LMF1: variants seen among roughly 807,000 people sequenced by gnomAD.
LMF1 encodes transmembrane protein 112.
In LMF1, 68 loss-of-function variants were observed where a neutral mutation model predicts 60.6. The observed-to-expected ratio is 1.12, with a 90% CI of 0.92 to 1.37. LMF1 has a LOEUF of 1.37. Ranked by LOEUF, LMF1 falls within the 40% of genes most tolerant of loss-of-function variation. The pLI, the probability that LMF1 is intolerant of heterozygous loss-of-function variation, is 0.00. For missense variants in LMF1, 948 were observed against 767.2 expected, an observed-to-expected ratio of 1.24 and a Z score of -2.78; for synonymous variants, 418 against 324.7, an observed-to-expected ratio of 1.29 and a Z score of -3.09.
In LMF1 at chr16:932,366, C is replaced by T. The variant is rs553532904; in HGVS notation, c.514+1878G>A. On this transcript the variant is annotated intron_variant, in intron 3 of 10. Transcript: ENST00000262301. ...CACACAAGCCTCAGCCGCTGCCCCC[C>T]GAGCCTGCCCCGGCCTGCCCGCTCA... Among the ~76,000 whole-genome samples, 22 of 152,308 alleles carry T rather than the reference C, an allele frequency of 1.4e-4. No individual in the cohort carries two copies. In the South Asian group the frequency reaches 3.1e-3, roughly 22 times the overall value.
At chr16:925,389 C>A (rs2071564841) in intron 3 of LMF1, among the ~76,000 whole-genome samples, 1 of 152,220 alleles carries the variant, frequency 6.6e-6, no homozygotes, top group African/African-American at 2.4e-5. Flanking sequence ...TCAAAACCAA[C>A]AAAATGTTAA....
intron 3 of LMF1, among the ~76,000 whole-genome samples, chr16:922,091 C>G (rs775274098): frequency 2.6e-5 from 4 of 152,034 alleles, no homozygotes; most frequent in Non-Finnish European, 5.9e-5. Flanking sequence ...AGACGCATTC[C>G]AAGCAGCCAA....
intron 2 of LMF1, among the ~76,000 whole-genome samples, chr16:954,028 C>CCG: frequency 7.6e-6 from 1 of 131,988 alleles, no homozygotes. Context: ...GACACCCACC[C>CCG]CAAACCAGCC....
intron 1 of LMF1, among the ~76,000 whole-genome samples, chr16:978,640 C>T (rs574882811): frequency 6.6e-6 from 1 of 152,170 alleles, no homozygotes; most frequent in Non-Finnish European, 1.5e-5. Flanking sequence ...GAAACGTACA[C>T]TCCCCCTGAA....
At chr16:940,573 T>C (rs138400992) in intron 2 of LMF1, among the ~76,000 whole-genome samples, 2,172 of 152,294 alleles carry the variant, frequency 0.014, 36 homozygotes, top group Non-Finnish European at 0.017. Context: ...AAGATGGATG[T>C]CCCAGAAGAG....
chr16:855,829 G>T (rs893246195), intron 10 of LMF1: 9 of 455,918 alleles, frequency 2.0e-5, no homozygotes, highest in African/African-American at 6.0e-5. Flanking sequence ...GGGGCTTCTG[G>T]TGACCTGCAC....
At chr16:941,763 G>A (rs1294694442) in intron 2 of LMF1, among the ~76,000 whole-genome samples, 1 of 152,136 alleles carries the variant, frequency 6.6e-6, no homozygotes, top group Non-Finnish European at 1.5e-5. Context: ...GCTAACAGCA[G>A]GTATCTCACC....
intron 4 of LMF1, among the ~76,000 whole-genome samples, chr16:893,799 CAA>C (rs966120820): frequency 1.3e-5 from 2 of 152,126 alleles, no homozygotes; most frequent in Non-Finnish European, 2.9e-5. Flanking sequence ...AAGTCAGAAA[CAA>C]ACTGTCCCCT....
chr16:914,290 T>A (rs990803857), intron 3 of LMF1, among the ~76,000 whole-genome samples: 1 of 152,092 alleles, frequency 6.6e-6, no homozygotes, highest in African/African-American at 2.4e-5. Flanking sequence ...GTACAAACCC[T>A]TCCAGCACCC....
At chr16:910,843 A>G (rs935330400) in intron 4 of LMF1, 88 bp downstream of exon 4, 2 of 1,545,296 alleles carry the variant, frequency 1.3e-6, no homozygotes, top group Non-Finnish European at 1.8e-6. Context: ...CGGGGGAGGA[A>G]GGAAACAGCC....
At chr16:938,759 T>C (rs1330110160) in intron 2 of LMF1, among the ~76,000 whole-genome samples, 1 of 152,190 alleles carries the variant, frequency 6.6e-6, no homozygotes, top group Non-Finnish European at 1.5e-5. Context: ...GGATGGACAG[T>C]GCTCCCATTA....
chr16:861,435 GT>G, intron 10 of LMF1, among the ~76,000 whole-genome samples: 1 of 136,512 alleles, frequency 7.3e-6, no homozygotes, highest in South Asian at 2.3e-4. Context: ...TCAGCTCACT[GT>G]AACCTCTGCC....
chr16:955,079 T>C (rs2072649707), intron 1 of LMF1, among the ~76,000 whole-genome samples: 1 of 147,252 alleles, frequency 6.8e-6, no homozygotes, highest in Non-Finnish European at 1.5e-5. Flanking sequence ...ATAAAATGCG[T>C]GCCCGCAGCA....
intron 3 of LMF1, among the ~76,000 whole-genome samples, chr16:917,269 G>A (rs1014356790): frequency 6.6e-6 from 1 of 152,006 alleles, no homozygotes; most frequent in African/African-American, 2.4e-5. Flanking sequence ...GCAGGCCCAC[G>A]TGAAGAAATG....
intron 3 of LMF1, among the ~76,000 whole-genome samples, chr16:921,962 G>A (rs2071443740): frequency 6.6e-6 from 1 of 152,188 alleles, no homozygotes; most frequent in Admixed American, 6.5e-5. Context: ...GCTGAGAGGT[G>A]TTAGCAAGGT....
rs377384616 is a variant in LMF1, at chr16:869,041, C to A, written c.1432G>T (p.Asp478Tyr). ...TTGCCAGCCAGGTGGATGATCCAGT[C>A]GTTGTGCTCGTAGGTCTGGGAGGAG... The part of the protein sequence containing the change: ...FAAFQTYEHN[D>Y]WIIHLAGKLL... The change falls in exon 10 of 11, where the codon GAC becomes TAC. Residue 478 changes from aspartate to tyrosine, a missense_variant. Coordinates refer to ENST00000262301, the MANE Select transcript of LMF1 (RefSeq NM_022773.4). 4.3e-6 allele frequency: 7 copies of A among 1,611,794 alleles called. No homozygotes were observed. The highest frequency in any genetic ancestry group is 1.6e-4 in the Middle Eastern group (1 of 6,074).
intron 10 of LMF1, among the ~76,000 whole-genome samples, chr16:859,499 G>C (rs1179103364): frequency 1.0e-5 from 1 of 96,066 alleles, no homozygotes. Flanking sequence ...GTCTCGGGAC[G>C]GGTGTGCAGT....
At chr16:915,624 C>T (rs1356781691) in intron 3 of LMF1, among the ~76,000 whole-genome samples, 25 of 152,072 alleles carry the variant, frequency 1.6e-4, no homozygotes, top group Admixed American at 1.2e-3. Flanking sequence ...CCAGCCTTGG[C>T]GACCCCAGTC....
At chr16:870,679 G>A (rs374549164) in intron 8 of LMF1, 50 bp downstream of exon 8, 24 of 1,602,262 alleles carry the variant, frequency 1.5e-5, no homozygotes, top group Middle Eastern at 3.3e-4. Flanking sequence ...GGTCAGGGCT[G>A]AGTCTCCCCA....
Sources: allele counts gnomAD v4.1 joint callset (sites outside exome capture counted in the v4.1 genomes callset), GRCh38; gene constraint gnomAD v4.1.1; transcripts MANE v1.5; gene names NCBI Gene and HGNC (gene_info 2026-07-23, HGNC 2026-07-21).